The following CCPG1 variants were observed in gnomAD, a reference collection of about 807,000 sequenced individuals.
CCPG1 encodes the protein cell cycle progression 1.
Under a neutral mutation model 81.3 loss-of-function variants are expected in CCPG1, and 46 were observed. The ratio of observed to expected loss-of-function variants is 0.57; its 90% CI spans 0.45 to 0.72. The LOEUF (loss-of-function observed/expected upper bound fraction) is 0.72, where lower values mean the gene tolerates loss of function less well. Among genes scored for constraint, CCPG1 ranks in the 30% least tolerant of loss-of-function variants. The pLI is 0.00. For synonymous variants in CCPG1, 330 were observed against 305.2 expected, an observed-to-expected ratio of 1.08 and a Z score of -0.85; for missense variants, 902 against 937.6, an observed-to-expected ratio of 0.96 and a Z score of 0.50.
intron 6 of CCPG1, among the ~76,000 whole-genome samples, chr15:55,368,148 T>C (rs111270778): frequency 3.9e-5 from 6 of 152,260 alleles, no homozygotes; most frequent in African/African-American, 1.4e-4. Flanking sequence ...TCAAGGGACT[T>C]TAGTACGTAT....
chr15:55,380,594 C>G (rs190502597), intron 3 of CCPG1, among the ~76,000 whole-genome samples: 6 of 151,526 alleles, frequency 4.0e-5, no homozygotes, highest in Admixed American at 3.3e-4. Context: ...CGCGCCCGGT[C>G]GATCATGCAT....
Position 55,359,881 on chromosome 15 carries a change from C to G in CCPG1, c.1892G>C (p.Gly631Ala). 1 of 1,613,794 alleles carries G rather than the reference C, an allele frequency of 6.2e-7. No individual in the cohort carries two copies. The highest frequency in any genetic ancestry group is 8.5e-7 in the Non-Finnish European group (1 of 1,179,972). Residue 631 changes from glycine to alanine, a missense_variant, in exon 8 of 9, where the codon GGT becomes GCT. This residue lies in a region of CCPG1 where 746 missense variants were observed against 728.6 expected (regional missense o/e 1.02). Coordinates refer to ENST00000442196, the MANE Select transcript of CCPG1 (RefSeq NM_001204450.2). ...NSHSFRKACS[G>A]VFDCAQQESM... ...CTCTTGTTGAGCACAATCAAATACA[C>G]CAGAACAAGCCTTTCTGAAAGAATG...
Position 55,360,604 on chromosome 15 carries a change from CGTTCTCTCTCCA to C in CCPG1, c.1157_1168del (p.Leu386_Glu389del), listed in dbSNP as rs777061518. On this transcript the variant is annotated inframe_deletion, in exon 8 of 9. Coordinates refer to ENST00000442196, the MANE Select transcript of CCPG1 (RefSeq NM_001204450.2). ...CCCCCTTAAAGCCGTAGTTACTAGT[CGTTCTCTCTCCA>C]GTTCTCTCTTTAGCATCTTTGCTTC... The C allele has an allele frequency of 6.2e-7, 1 of 1,614,128 alleles. No homozygotes were observed. The highest frequency in any genetic ancestry group is 8.5e-7 in the Non-Finnish European group (1 of 1,180,024).
intron 1 of CCPG1, chr15:55,398,281 G>T (rs2057060684): frequency 6.6e-6 from 1 of 152,020 alleles, no homozygotes; most frequent in Non-Finnish European, 1.5e-5. Flanking sequence ...AAAAGGTGAG[G>T]TTTCCATTAC....
At chr15:55,358,563 C>A (rs2056129039) in intron 8 of CCPG1, 1 of 985,408 alleles carries the variant, frequency 1.0e-6, no homozygotes, top group East Asian at 1.1e-4. Flanking sequence ...AAGTGAAATT[C>A]CCTTCCCTGT....
chr15:55,369,192 G>A (rs1000232796), intron 6 of CCPG1, among the ~76,000 whole-genome samples: 7 of 151,826 alleles, frequency 4.6e-5, no homozygotes, highest in African/African-American at 1.5e-4. Context: ...AATTCAAAAC[G>A]GCTCTGAAAT....
chr15:55,372,533 C>G (rs2056473914), intron 5 of CCPG1: 1 of 198,548 alleles, frequency 5.0e-6, no homozygotes, highest in Non-Finnish European at 1.0e-5. Context: ...TGGTAGTGCA[C>G]CTATAGTCCC....
In CCPG1 at chr15:55,356,333, G is replaced by A; in HGVS notation, c.2311C>T (p.Pro771Ser). The A allele has an allele frequency of 2.6e-6, 4 of 1,535,608 alleles. No homozygotes were observed. Among genetic ancestry groups the A allele is most frequent in the Non-Finnish European group, 3.5e-6 (4 of 1,146,792 alleles). The change falls in exon 9 of 9, where the codon CCA becomes TCA. Residue 771 changes from proline to serine, a missense_variant. Transcript: ENST00000442196. ...TTACCTTCCCTTTTATAAGGCTGTG[G>A]CTGAAGGTGCTTCTGCTCTTGTTTT... The part of the protein sequence containing the change: ...HRKQEQKHLQ[P>S]QPYKREGKWH...
At position 55,377,168 on chromosome 15, in the gene CCPG1, T is replaced by C. The variant is rs2056583876; in HGVS notation, c.253-18A>G. 1 of 1,563,820 alleles carries C rather than the reference T, an allele frequency of 6.4e-7. No homozygotes were observed. The highest frequency in any genetic ancestry group is 8.8e-7 in the Non-Finnish European group (1 of 1,136,560). On this transcript the variant is annotated intron_variant, in intron 4 of 8. Coordinates refer to ENST00000442196, the MANE Select transcript of CCPG1 (RefSeq NM_001204450.2). ...TCCTCTGCCTGAAGAATCATAATTTTAGAGATGGTAAGTTCAACAATCATT... is the reference window on the plus strand; with the variant it reads ...TCCTCTGCCTGAAGAATCATAATTTCAGAGATGGTAAGTTCAACAATCATT...
intron 1 of CCPG1, chr15:55,407,861 T>C (rs2141365064): frequency 6.6e-6 from 1 of 152,480 alleles, no homozygotes; most frequent in Non-Finnish European, 1.5e-5. Flanking sequence ...TGGATTTTCA[T>C]CAGTCCAGAC....
intron 3 of CCPG1, among the ~76,000 whole-genome samples, chr15:55,384,767 C>T (rs1479011217): frequency 2.0e-5 from 3 of 152,040 alleles, no homozygotes; most frequent in Non-Finnish European, 4.4e-5. Flanking sequence ...AATAGACTTG[C>T]TCAACACAGG....
chr15:55,406,938 C>T (rs1161775086), intron 1 of CCPG1, among the ~76,000 whole-genome samples: 2 of 150,600 alleles, frequency 1.3e-5, no homozygotes, highest in Admixed American at 6.6e-5. Flanking sequence ...AATTAACGCC[C>T]GCGCGGTGGG....
At chr15:55,391,392 A>C (rs1045477493) in intron 1 of CCPG1, among the ~76,000 whole-genome samples, 3 of 152,258 alleles carry the variant, frequency 2.0e-5, no homozygotes, top group African/African-American at 7.2e-5. Context: ...CTGGGATTAC[A>C]GGCGTGAGCC....
chr15:55,379,931 T>A (rs372880435), intron 3 of CCPG1, among the ~76,000 whole-genome samples: 3 of 151,946 alleles, frequency 2.0e-5, no homozygotes, highest in South Asian at 4.2e-4. Flanking sequence ...AAACCCCGTT[T>A]CTACTAAAAA....
chr15:55,385,030 T>C (rs953324851), intron 3 of CCPG1, among the ~76,000 whole-genome samples: 3 of 152,196 alleles, frequency 2.0e-5, no homozygotes, highest in African/African-American at 7.2e-5. Context: ...TGAAACACTT[T>C]TTTTGTCACT....
chr15:55,373,043 T>C, intron 5 of CCPG1: 1 of 534,408 alleles, frequency 1.9e-6, no homozygotes, highest in Non-Finnish European at 3.8e-6. Flanking sequence ...ATCTCCGATA[T>C]TAAGGACTAT....
intron 5 of CCPG1, among the ~76,000 whole-genome samples, chr15:55,373,786 T>G (rs1362408597): frequency 2.0e-5 from 3 of 152,206 alleles, no homozygotes; most frequent in Non-Finnish European, 4.4e-5. Context: ...AACAAACCAT[T>G]TGTAAAACTT....
chr15:55,356,395 T>G lies in CCPG1; in HGVS notation c.2249A>C (p.Lys750Thr). The G allele has an allele frequency of 6.5e-7, 1 of 1,530,386 alleles. No individual in the cohort carries two copies. The highest frequency in any genetic ancestry group is 1.2e-5 in the South Asian group (1 of 82,464). The allele number at this position is 1,530,386 out of a possible 1,614,324, so 94.8% of individuals were successfully genotyped here. A position where few individuals can be genotyped will look rare whatever the true frequency, so the allele number is the denominator to read the frequency against. ...PPYGPSRPDK[K>T]QRMVNIENSR... is the part of the protein sequence containing the mutation. Reference sequence around the variant, plus strand: ...GTTTTCAATATTTACCATACGTTGCTTTTTATCAGGTCGACTGAAAGCAGT... The same window carrying G: ...GTTTTCAATATTTACCATACGTTGCGTTTTATCAGGTCGACTGAAAGCAGT... The change falls in exon 9 of 9, where the codon AAG becomes ACG. Residue 750 changes from lysine (K) to threonine (T), a missense_variant. Lys to Thr is a moderately conservative substitution (Grantham distance 78). Coordinates refer to ENST00000442196, the MANE Select transcript of CCPG1 (RefSeq NM_001204450.2).
At chr15:55,401,608 G>A (rs1312045188) in intron 1 of CCPG1, among the ~76,000 whole-genome samples, 1 of 150,590 alleles carries the variant, frequency 6.6e-6, no homozygotes, top group Non-Finnish European at 1.5e-5. Context: ...GGAGGTTGCA[G>A]TGAGCCGAGA....
Sources: gnomAD v4.1 joint callset for allele counts (sites outside exome capture counted in the v4.1 genomes callset) on GRCh38, gnomAD v4.1.1 for gene constraint, gnomAD v4.1.1 regional missense constraint, MANE v1.5 for transcripts, NCBI Gene and HGNC (gene_info 2026-07-23, HGNC 2026-07-21) for gene names.